PRSS23: variants seen among roughly 807,000 people sequenced by gnomAD.
The protein encoded by PRSS23 is serine protease 23.
PRSS23 carries 25 observed loss-of-function variants against 34.7 expected under a neutral mutation model. The ratio of observed to expected loss-of-function variants is 0.72; its 90% CI spans 0.53 to 1.01. PRSS23 has a LOEUF of 1.01. Ranked by LOEUF, PRSS23 falls within the 50% of genes least tolerant of loss-of-function variation. The pLI, the probability that PRSS23 is intolerant of heterozygous loss-of-function variation, is 0.00. For synonymous variants in PRSS23, 176 were observed against 186.6 expected (o/e 0.94, Z 0.46); for missense variants, 445 against 475.6 (o/e 0.94, Z 0.60).
intron 2 of PRSS23, among the ~76,000 whole-genome samples, chr11:86,895,869 G>A (rs1287722300): frequency 2.0e-5 from 3 of 152,020 alleles, no homozygotes; most frequent in African/African-American, 4.8e-5. Context: ...TGTCAATTAC[G>A]GCCAGATATG....
chr11:86,812,656 C>A (rs889119557), downstream of PRSS23, among the ~76,000 whole-genome samples: 1 of 151,846 alleles, frequency 6.6e-6, no homozygotes, highest in African/African-American at 2.4e-5. Flanking sequence ...GGCATGGTGG[C>A]GCATGCCTGT....
At chr11:86,796,337 A>G (rs541657940), upstream of PRSS23, among the ~76,000 whole-genome samples, 5 of 152,286 alleles carry the variant, frequency 3.3e-5, no homozygotes, top group African/African-American at 1.2e-4. Flanking sequence ...TAGCTTCTCT[A>G]TTTGTCTTAA....
At chr11:86,867,735 A>G (rs1948659182) in intron 2 of PRSS23, among the ~76,000 whole-genome samples, 1 of 151,890 alleles carries the variant, frequency 6.6e-6, no homozygotes, top group African/African-American at 2.4e-5. Flanking sequence ...AAATAAGTTG[A>G]GTGTGCTGGC....
intron 1 of PRSS23, among the ~76,000 whole-genome samples, chr11:86,794,561 C>A (rs1458267453): frequency 6.6e-6 from 1 of 152,124 alleles, no homozygotes; most frequent in African/African-American, 2.4e-5. Flanking sequence ...TTTAACCCTA[C>A]AATAATTTTG....
chr11:86,845,901 C>T (rs1446949468), intron 2 of PRSS23, among the ~76,000 whole-genome samples: 1 of 152,186 alleles, frequency 6.6e-6, no homozygotes, highest in African/African-American at 2.4e-5. Flanking sequence ...GTCTCCTTTA[C>T]CATGCTACTG....
intron 2 of PRSS23, among the ~76,000 whole-genome samples, chr11:86,939,767 T>C (rs1342990596): frequency 2.7e-5 from 4 of 150,578 alleles, no homozygotes; most frequent in East Asian, 1.9e-4. Flanking sequence ...TTCTTTCTTT[T>C]TTTTTTTTTA....
intron 2 of PRSS23, among the ~76,000 whole-genome samples, chr11:86,925,259 A>G (rs572691934): frequency 6.6e-6 from 1 of 152,052 alleles, no homozygotes; most frequent in Non-Finnish European, 1.5e-5. Flanking sequence ...GAATTACCCA[A>G]GTGAAAACTG....
At chr11:86,914,482 C>T (rs571632910) in intron 2 of PRSS23, among the ~76,000 whole-genome samples, 5 of 152,174 alleles carry the variant, frequency 3.3e-5, no homozygotes, top group African/African-American at 1.2e-4. Flanking sequence ...GCATTTCACT[C>T]GATTTCCCTT....
intron 2 of PRSS23, among the ~76,000 whole-genome samples, chr11:86,930,323 A>G (rs546923919): frequency 6.6e-6 from 1 of 152,220 alleles, no homozygotes; most frequent in Non-Finnish European, 1.5e-5. Flanking sequence ...AAATATATGC[A>G]GTTTGTAAAA....
intron 2 of PRSS23, among the ~76,000 whole-genome samples, chr11:86,841,065 C>T (rs934106950): frequency 6.6e-5 from 10 of 152,074 alleles, no homozygotes; most frequent in African/African-American, 7.2e-5. Context: ...GAAGGCCAGG[C>T]GAGGTGGCAC....
chr11:86,833,086 C>T (rs535168085), intron 2 of PRSS23: 13 of 595,620 alleles, frequency 2.2e-5, no homozygotes, highest in Non-Finnish European at 3.8e-5. Flanking sequence ...CAGATGGCTA[C>T]AAACCGGTCA....
intron 2 of PRSS23, among the ~76,000 whole-genome samples, chr11:86,853,349 G>T (rs1011205907): frequency 1.4e-5 from 2 of 142,306 alleles, no homozygotes; most frequent in African/African-American, 5.3e-5. Context: ...CCGCCTCCCA[G>T]GTTCAAGCGA....
chr11:86,942,636 T>C (rs1429415516), intron 2 of PRSS23, among the ~76,000 whole-genome samples: 1 of 152,220 alleles, frequency 6.6e-6, no homozygotes, highest in Non-Finnish European at 1.5e-5. Context: ...TTCTATTCTC[T>C]TTCCCTGGGA....
At chr11:86,851,807 C>T (rs1217853280) in intron 2 of PRSS23, among the ~76,000 whole-genome samples, 1 of 152,142 alleles carries the variant, frequency 6.6e-6, no homozygotes, top group African/African-American at 2.4e-5. Context: ...CCTTTTTATC[C>T]TCATCATCAC....
intron 1 of PRSS23, among the ~76,000 whole-genome samples, chr11:86,816,612 C>T (rs1948216742): frequency 6.6e-6 from 1 of 152,180 alleles, no homozygotes; most frequent in African/African-American, 2.4e-5. Context: ...AACATAGCCC[C>T]CAGCATGACT....
In PRSS23 at chr11:86,807,809, G is replaced by A. The variant is rs143933691; in HGVS notation, c.166G>A (p.Glu56Lys). ...TTTAGCCAAGCCAGACTTTGGAGCC[G>A]AAGCCAAATTAGAAGTATCTTCTTC... The part of the protein sequence containing the change: ...LNLAKPDFGA[E>K]AKLEVSSSCG... The change falls in exon 2 of 2, where the codon GAA (glutamate) becomes AAA (lysine). Residue 56 changes from glutamate (E) to lysine (K), a missense_variant. Transcript: ENST00000280258. 8,984 of 1,614,100 alleles carry A rather than the reference G, an allele frequency of 5.6e-3. 37 individuals are homozygous for A. The highest frequency in any genetic ancestry group is 6.8e-3 in the Non-Finnish European group (8,026 of 1,180,004).
At chr11:86,913,975 C>T (rs761424263) in intron 2 of PRSS23, among the ~76,000 whole-genome samples, 4 of 135,122 alleles carry the variant, frequency 3.0e-5, no homozygotes, top group Non-Finnish European at 6.1e-5. Context: ...GAGGCTGAGG[C>T]GGGTGGATCA....
intron 2 of PRSS23, among the ~76,000 whole-genome samples, chr11:86,939,351 G>T (rs1172498011): frequency 7.8e-6 from 1 of 127,868 alleles, no homozygotes; most frequent in Non-Finnish European, 1.7e-5. Context: ...AAAAAACACT[G>T]ACCTCAGGAG....
Position 86,916,975 on chromosome 11 carries a change from T to C in PRSS23, c.207-34241T>C, listed in dbSNP as rs578025106. On this transcript the variant is annotated intron_variant, in intron 2 of 2. Coordinates refer to the PRSS23 transcript ENST00000533902. ...CTCAGTTCATGTCCATTGAATAAAA[T>C]GACAAAGTTGTTTTAAGTGGCTTTT... Among the ~76,000 whole-genome samples the C allele has an allele frequency of 8.5e-5, 13 of 152,322 alleles. 1 individual carries two copies. The South Asian group carries it at 2.5e-3, about 29-fold the overall frequency.
Sources: gnomAD v4.1 joint callset for allele counts (sites outside exome capture counted in the v4.1 genomes callset) on GRCh38, gnomAD v4.1.1 for gene constraint, MANE v1.5 for transcripts, NCBI Gene and HGNC (gene_info 2026-07-23, HGNC 2026-07-21) for gene names.